Variants in SLIT3 observed in about 807,000 individuals in gnomAD.
SLIT3 encodes the protein slit guidance ligand 3.
SLIT3 carries 68 observed loss-of-function variants against 184.0 expected under a neutral mutation model. The ratio of observed to expected loss-of-function variants is 0.37; its 90% confidence interval spans 0.30 to 0.45. SLIT3 has a LOEUF of 0.45. Ranked by LOEUF, SLIT3 falls within the 20% of genes least tolerant of loss-of-function variation. SLIT3 has a pLI of 1.00. For missense variants in SLIT3, 1,707 were observed against 2,026.0 expected, an observed-to-expected ratio of 0.84 and a Z score of 3.02; for synonymous variants, 831 against 828.6, an observed-to-expected ratio of 1.00 and a Z score of -0.05.
chr5:169,081,988 C>A (rs182316328), intron 4 of SLIT3, among the ~76,000 whole-genome samples: 1 of 152,220 alleles, frequency 6.6e-6, no homozygotes, highest in East Asian at 1.9e-4. Context: ...GACTCCAGAC[C>A]CCCCCACAGC....
intron 10 of SLIT3, among the ~76,000 whole-genome samples, chr5:168,793,803 G>A (rs568650822): frequency 3.0e-5 from 4 of 134,340 alleles, no homozygotes; most frequent in Non-Finnish European, 5.9e-5. Context: ...AATGAATTGG[G>A]GGGGGGGATG....
At chr5:168,677,874 TG>T (rs2113200759) in intron 32 of SLIT3, among the ~76,000 whole-genome samples, 1 of 152,146 alleles carries the variant, frequency 6.6e-6, no homozygotes, top group African/African-American at 2.4e-5. Context: ...GCAACTGGGG[TG>T]GGGGAGTAGG....
intron 5 of SLIT3, among the ~76,000 whole-genome samples, chr5:168,876,102 T>C (rs1293541312): frequency 1.4e-4 from 22 of 152,146 alleles, no homozygotes; most frequent in Admixed American, 1.4e-3. Flanking sequence ...CGGCTTGCAC[T>C]GAAGTACACC....
At chr5:169,077,239 T>G (rs1239462204) in intron 4 of SLIT3, among the ~76,000 whole-genome samples, 1 of 152,148 alleles carries the variant, frequency 6.6e-6, no homozygotes, top group African/African-American at 2.4e-5. Context: ...TAGTTTATTG[T>G]AAGAATACAG....
At chr5:169,160,217 A>T (rs994221734) in intron 4 of SLIT3, among the ~76,000 whole-genome samples, 26 of 152,222 alleles carry the variant, frequency 1.7e-4, no homozygotes, top group African/African-American at 6.3e-4. Flanking sequence ...ATTCAGAGAG[A>T]TTATTTTAAT....
At chr5:168,730,692 C>A (rs1302298233) in intron 20 of SLIT3, among the ~76,000 whole-genome samples, 1 of 151,172 alleles carries the variant, frequency 6.6e-6, no homozygotes, top group East Asian at 1.9e-4. Context: ...AATGAAAAAA[C>A]AACATACCCA....
chr5:169,047,967 G>A (rs1197140714), intron 4 of SLIT3, among the ~76,000 whole-genome samples: 3 of 152,050 alleles, frequency 2.0e-5, no homozygotes, highest in Non-Finnish European at 4.4e-5. Context: ...TTAGATGCTT[G>A]TGGAAGGAAG....
At chr5:168,744,056 G>A (rs1763721571) in intron 20 of SLIT3, among the ~76,000 whole-genome samples, 3 of 152,206 alleles carry the variant, frequency 2.0e-5, no homozygotes, top group Non-Finnish European at 4.4e-5. Flanking sequence ...CTGGGAATCC[G>A]GGGCGGGTGG....
chr5:168,705,153 T>C (rs1210597853), intron 26 of SLIT3, among the ~76,000 whole-genome samples: 2 of 152,148 alleles, frequency 1.3e-5, no homozygotes, highest in African/African-American at 4.8e-5. Context: ...TAGTCAGGGA[T>C]CTTCCACCTT....
At chr5:168,803,086 G>C (rs1417379284) in intron 9 of SLIT3, among the ~76,000 whole-genome samples, 1 of 152,202 alleles carries the variant, frequency 6.6e-6, no homozygotes, top group Admixed American at 6.5e-5. Flanking sequence ...GGATTTCAAA[G>C]ACAAGGTGGT....
intron 5 of SLIT3, among the ~76,000 whole-genome samples, chr5:168,882,640 A>T (rs1208542284): frequency 1.3e-5 from 2 of 152,170 alleles, no homozygotes; most frequent in Non-Finnish European, 2.9e-5. Flanking sequence ...CATTGGAGGA[A>T]ACTAGTATAC....
chr5:168,891,578 G>A (rs1263730338), intron 4 of SLIT3, among the ~76,000 whole-genome samples: 1 of 152,174 alleles, frequency 6.6e-6, no homozygotes, highest in East Asian at 1.9e-4. Context: ...GATGAACAGG[G>A]CTGAACAGCC....
At chr5:168,683,686 C>T (rs928355819) in intron 32 of SLIT3, among the ~76,000 whole-genome samples, 11 of 152,310 alleles carry the variant, frequency 7.2e-5, no homozygotes, top group South Asian at 2.1e-4. Flanking sequence ...CACTGCAGCG[C>T]GCACTCCCGC....
In SLIT3 at chr5:168,893,664, A is replaced by T. The variant is rs114099184; in HGVS notation, c.414-10328T>A. On this transcript the variant is annotated intron_variant, in intron 4 of 35. Coordinates refer to ENST00000519560, the MANE Select transcript of SLIT3 (RefSeq NM_003062.4). Reference sequence around the variant, plus strand: ...CAAATTGAGTCCTCTCTTCTTCACAAAGACATTCCCATGCCAAAAAGCTTT... The same window carrying T: ...CAAATTGAGTCCTCTCTTCTTCACATAGACATTCCCATGCCAAAAAGCTTT... Among the ~76,000 whole-genome samples the T allele has an allele frequency of 7.3e-3, 1,109 of 152,308 alleles. 13 individuals carry two copies. Among genetic ancestry groups the T allele is most frequent in the African/African-American group, 0.025 (1,035 of 41,560 alleles).
chr5:168,710,008 G>T (rs996619710), intron 25 of SLIT3: 2 of 152,116 alleles, frequency 1.3e-5, no homozygotes, highest in African/African-American at 2.4e-5. Flanking sequence ...CTTTGATTCA[G>T]TAATTTCTAT....
intron 4 of SLIT3, among the ~76,000 whole-genome samples, chr5:169,138,311 G>A (rs71603900): frequency 0.055 from 8,417 of 152,246 alleles, 272 homozygotes; most frequent in Middle Eastern, 0.11. Context: ...GGAAAAGAGC[G>A]GAAGCCCTGC....
intron 4 of SLIT3, among the ~76,000 whole-genome samples, chr5:169,073,134 T>C (rs1463375729): frequency 6.6e-6 from 1 of 152,218 alleles, no homozygotes; most frequent in Non-Finnish European, 1.5e-5. Flanking sequence ...CTCCTTTTCA[T>C]ACACCGCCAC....
At chr5:169,112,296 C>A (rs1197387074) in intron 4 of SLIT3, among the ~76,000 whole-genome samples, 1 of 152,152 alleles carries the variant, frequency 6.6e-6, no homozygotes, top group Admixed American at 6.5e-5. Flanking sequence ...GGGCTCTCAG[C>A]CTGAAGGTCA....
intron 4 of SLIT3, among the ~76,000 whole-genome samples, chr5:169,065,867 G>C (rs1758334484): frequency 6.6e-6 from 1 of 152,204 alleles, no homozygotes; most frequent in African/African-American, 2.4e-5. Context: ...ACACGTTTGA[G>C]TAGAAAATTA....
Sources: allele counts gnomAD v4.1 joint callset (sites outside exome capture counted in the v4.1 genomes callset), GRCh38; gene constraint gnomAD v4.1.1; transcripts MANE v1.5; gene names NCBI Gene and HGNC (gene_info 2026-07-23, HGNC 2026-07-21).